Variants in EPHA5 observed in about 807,000 individuals in gnomAD.
EPHA5 encodes EPH receptor A5.
EPHA5 carries 60 observed loss-of-function variants against 105.0 expected under a neutral mutation model. The ratio of observed to expected loss-of-function variants is 0.57; its 90% CI spans 0.46 to 0.71. The LOEUF (loss-of-function observed/expected upper bound fraction) is 0.71. Ranked by LOEUF, EPHA5 falls within the 30% of genes least tolerant of loss-of-function variation. The pLI is 0.00. For missense variants in EPHA5, 1,218 were observed against 1,274.7 expected (o/e 0.96, Z 0.68); for synonymous variants, 513 against 449.1 (o/e 1.14, Z -1.80).
Position 65,321,140 on chromosome 4 carries a change from C to T in EPHA5, c.*2974G>A, listed in dbSNP as rs571019577. On this transcript the variant is annotated 3_prime_UTR_variant, in exon 17 of 17. Transcript: ENST00000613740. ...AGTCTGTTGAAAATTACTCCCTGTA[C>T]CAATTTTTCAAAGTCCAATACTGTG... The T allele has an allele frequency of 4.3e-6, 1 of 230,518 alleles. No individual in the cohort carries two copies. The highest frequency in any genetic ancestry group is 5.7e-5 in the Admixed American group (1 of 17,600). The allele number at this position is 230,518 out of a possible 1,614,324, so 14.3% of individuals were successfully genotyped here. A position where few individuals can be genotyped will look rare whatever the true frequency, so the allele number is the denominator to read the frequency against.
intron 11 of EPHA5, among the ~76,000 whole-genome samples, chr4:65,363,227 A>G (rs771706235): frequency 4.0e-5 from 6 of 151,592 alleles, no homozygotes; most frequent in Non-Finnish European, 8.9e-5. Flanking sequence ...ACTATGTACT[A>G]AATAAGTACT....
intron 5 of EPHA5, among the ~76,000 whole-genome samples, chr4:65,425,439 A>G (rs1724338619): frequency 6.6e-6 from 1 of 151,996 alleles, no homozygotes; most frequent in African/African-American, 2.4e-5. Flanking sequence ...CAGTATTCCA[A>G]AACAACACAG....
At position 65,365,100 on chromosome 4, in the gene EPHA5, C is replaced by T. The variant is rs910705978; in HGVS notation, c.2090G>A (p.Arg697His). 11 of 1,611,666 alleles carry T rather than the reference C, an allele frequency of 6.8e-6. No individual in the cohort carries two copies. Among genetic ancestry groups the T allele is most frequent in the Middle Eastern group, 1.6e-4 (1 of 6,072 alleles). ...TLKVGYTEKQ[R>H]RDFLGEASIM... is the part of the protein sequence containing the mutation. ...ACTTGCTTCACCTAGGAAATCTCTG[C>T]GTTGCTTTTCAGTATAGCCTACTTT... Residue 697 changes from arginine (R) to histidine (H), a missense_variant, in exon 11 of 17, where the codon CGC (arginine) becomes CAC (histidine). Coordinates refer to ENST00000613740, the MANE Select transcript of EPHA5 (RefSeq NM_001281766.3).
At chr4:65,488,195 G>A (rs904683863) in intron 5 of EPHA5, among the ~76,000 whole-genome samples, 1 of 152,250 alleles carries the variant, frequency 6.6e-6, no homozygotes, top group African/African-American at 2.4e-5. Context: ...TTGGGAGGCT[G>A]AAGGGGCCAG....
rs1300718125 is a variant in EPHA5, at chr4:65,348,167, C to T, written c.2482G>A (p.Ala828Thr). Residue 828 changes from alanine (A) to threonine (T), a missense_variant, in exon 14 of 17, where the codon GCA becomes ACA. Transcript: ENST00000613740. ...GAAGTAAACTTTCGGAAAGCTATTG[C>T]TTCTGGGGCAGTCCATCTGATTGGA... Reference protein sequence around the residue: ...KIPIRWTAPEAIAFRKFTSAS... With the variant: ...KIPIRWTAPETIAFRKFTSAS... 1 of 1,613,580 alleles carries T rather than the reference C, an allele frequency of 6.2e-7. No homozygotes were observed. Among genetic ancestry groups the T allele is most frequent in the Non-Finnish European group, 8.5e-7 (1 of 1,179,786 alleles).
At chr4:65,395,507 C>T (rs760715680) in intron 8 of EPHA5, among the ~76,000 whole-genome samples, 6 of 152,178 alleles carry the variant, frequency 3.9e-5, no homozygotes, top group Non-Finnish European at 7.4e-5. Flanking sequence ...TAAAACCTAC[C>T]GTTTTATACA....
chr4:65,661,513 C>A (rs865854753), intron 1 of EPHA5, among the ~76,000 whole-genome samples: 1 of 152,090 alleles, frequency 6.6e-6, no homozygotes, highest in African/African-American at 2.4e-5. Flanking sequence ...TGGCTGTATC[C>A]CCCTTCTTAG....
At chr4:65,522,825 TA>T (rs1332075989) in intron 3 of EPHA5, among the ~76,000 whole-genome samples, 1 of 152,012 alleles carries the variant, frequency 6.6e-6, no homozygotes, top group African/African-American at 2.4e-5. Context: ...TTACTACAGT[TA>T]AAATGGTTCA....
chr4:65,468,053 C>T (rs1728885449), intron 5 of EPHA5, among the ~76,000 whole-genome samples: 1 of 152,148 alleles, frequency 6.6e-6, no homozygotes, highest in South Asian at 2.1e-4. Context: ...GAAGATACTA[C>T]TGGACTTCCA....
chr4:65,669,149 A>T (rs1053283072), intron 1 of EPHA5, among the ~76,000 whole-genome samples: 1 of 151,880 alleles, frequency 6.6e-6, no homozygotes, highest in Non-Finnish European at 1.5e-5. Context: ...TGCTCCAGAG[A>T]TCCTTGTCAC....
rs565290483 is a variant in EPHA5, at chr4:65,507,127, C to G, written c.911-11584G>C. ...AGCACCATTTATTAAATAGGGAATC[C>G]TTTCCCCATTGCTTGGTTTTGTCAG... On this transcript the variant is annotated intron_variant, in intron 3 of 16. Coordinates refer to ENST00000613740, the MANE Select transcript of EPHA5 (RefSeq NM_001281766.3). Among the ~76,000 whole-genome samples, 23 of 152,220 alleles carry G rather than the reference C, an allele frequency of 1.5e-4. No homozygotes were observed. The South Asian group carries it at 4.8e-3, about 32-fold the overall frequency.
chr4:65,574,054 C>T lies in EPHA5; in HGVS notation c.910+27587G>A. The T allele has an allele frequency of 1.9e-6, 3 of 1,599,702 alleles. No homozygotes were observed. The South Asian group carries it at 3.3e-5, about 18-fold the overall frequency. On this transcript the variant is annotated intron_variant, in intron 3 of 16. Transcript: ENST00000613740. ...CACCAGAAATTTGTCATTGCCACCT[C>T]AACCAAAATCGATATCAGCAATGTA...
At chr4:65,519,766 G>T (rs1461583453) in intron 3 of EPHA5, among the ~76,000 whole-genome samples, 3 of 151,774 alleles carry the variant, frequency 2.0e-5, no homozygotes, top group Admixed American at 2.0e-4. Flanking sequence ...ATGAGTGAAT[G>T]TCCATTCACC....
chr4:65,448,810 T>C (rs1461443655), intron 5 of EPHA5, among the ~76,000 whole-genome samples: 3 of 152,172 alleles, frequency 2.0e-5, no homozygotes, highest in African/African-American at 7.2e-5. Flanking sequence ...TGATAAACTC[T>C]TTAACAAGGG....
At chr4:65,420,714 G>C in intron 5 of EPHA5, 149 bp from the exon 6 acceptor site, 1 of 617,936 alleles carries the variant, frequency 1.6e-6, no homozygotes, top group Admixed American at 4.0e-5. Context: ...AAGGTTTAAA[G>C]ATTGTGAAGA....
chr4:65,597,869 G>A (rs1467260823), intron 3 of EPHA5, among the ~76,000 whole-genome samples: 1 of 152,030 alleles, frequency 6.6e-6, no homozygotes, highest in African/African-American at 2.4e-5. Context: ...CTGGATTGAG[G>A]CCATATGTTA....
intron 16 of EPHA5, among the ~76,000 whole-genome samples, chr4:65,328,970 A>G (rs1720343262): frequency 6.6e-6 from 1 of 151,260 alleles, no homozygotes; most frequent in Non-Finnish European, 1.5e-5. Flanking sequence ...GATAACAGGA[A>G]CCTCTTCAGC....
At chr4:65,442,250 A>G (rs928901377) in intron 5 of EPHA5, among the ~76,000 whole-genome samples, 1 of 152,132 alleles carries the variant, frequency 6.6e-6, no homozygotes, top group Admixed American at 6.6e-5. Context: ...TGGGGCCTCC[A>G]TGAGAAGAGC....
chr4:65,543,429 A>G (rs1036369233), intron 3 of EPHA5, among the ~76,000 whole-genome samples: 8 of 152,054 alleles, frequency 5.3e-5, no homozygotes, highest in South Asian at 2.1e-4. Flanking sequence ...TACACCAACA[A>G]TAGACAAGTA....
Sources: allele counts gnomAD v4.1 joint callset (sites outside exome capture counted in the v4.1 genomes callset), GRCh38; gene constraint gnomAD v4.1.1; transcripts MANE v1.5; gene names NCBI Gene and HGNC (gene_info 2026-07-23, HGNC 2026-07-21).